Variants in SFT2D2 observed in about 807,000 individuals in gnomAD.
The protein encoded by SFT2D2 is SFT2 domain containing 2, also known as vesicle transport protein SFT2B.
SFT2D2 carries 21 observed loss-of-function variants against 27.4 expected under a neutral mutation model. The observed-to-expected ratio is 0.77, with a 90% CI of 0.54 to 1.10. The LOEUF (loss-of-function observed/expected upper bound fraction) is 1.10. SFT2D2 is among the 50% of genes least tolerant of loss of function. The probability of loss-of-function intolerance (pLI) is 0.00; values close to 1 mark genes in which losing one functional copy is unlikely to be tolerated. For synonymous variants in SFT2D2, 72 were observed against 71.7 expected, an observed-to-expected ratio of 1.00 and a Z score of -0.02; for missense variants, 187 against 194.2, an observed-to-expected ratio of 0.96 and a Z score of 0.22.
chr1:168,229,628 TC>T (rs1310954183), intron 1 of SFT2D2: 13 of 152,174 alleles, frequency 8.5e-5, no homozygotes, highest in African/African-American at 3.2e-4. Context: ...CCACTACCAC[TC>T]TTCTTCCTAC....
chr1:168,240,360 T>A (rs1379857976), intron 7 of SFT2D2, among the ~76,000 whole-genome samples: 1 of 152,012 alleles, frequency 6.6e-6, no homozygotes, highest in African/African-American at 2.4e-5. Context: ...GTGGCTTTGT[T>A]GATAGATTCT....
At position 168,251,195 on chromosome 1, in the gene SFT2D2, C is replaced by T. The variant is rs1647942651; in HGVS notation, c.*8655C>T. Reference sequence around the variant, plus strand: ...GGCTAGCTGGTGTGCGCCTATAATCCCAGCTACTTGGGAGGGAGGCTGAGG... The same window carrying T: ...GGCTAGCTGGTGTGCGCCTATAATCTCAGCTACTTGGGAGGGAGGCTGAGG... On this transcript the variant is annotated 3_prime_UTR_variant, in exon 8 of 8. Transcript: ENST00000271375. 1 of 151,992 alleles carries T rather than the reference C, an allele frequency of 6.6e-6. No homozygotes were observed. The highest frequency in any genetic ancestry group is 1.5e-5 in the Non-Finnish European group (1 of 68,038). 9.4% of individuals were successfully genotyped at this position (151,992 alleles called of 1,614,324 possible).
At position 168,246,263 on chromosome 1, in the gene SFT2D2, A is replaced by G. The variant is rs573172219; in HGVS notation, c.*3723A>G. 2 of 368,442 alleles carry G rather than the reference A, an allele frequency of 5.4e-6. No individual in the cohort carries two copies. Among genetic ancestry groups the G allele is most frequent in the East Asian group, 6.9e-5 (1 of 14,506 alleles). The allele number at this position is 368,442 out of a possible 1,614,324, so 22.8% of individuals were successfully genotyped here. ...CTGTAGCATCACATTTGGCTTGACTATCAATTACTGTTTTTTCTTGATTGT... is the reference window on the plus strand; with the variant it reads ...CTGTAGCATCACATTTGGCTTGACTGTCAATTACTGTTTTTTCTTGATTGT... On this transcript the variant is annotated 3_prime_UTR_variant, in exon 8 of 8. Coordinates refer to ENST00000271375, the MANE Select transcript of SFT2D2 (RefSeq NM_199344.3).
At position 168,244,637 on chromosome 1, in the gene SFT2D2, C is replaced by T. The variant is rs1191702484; in HGVS notation, c.*2097C>T. On this transcript the variant is annotated 3_prime_UTR_variant, in exon 8 of 8. Coordinates refer to ENST00000271375, the MANE Select transcript of SFT2D2 (RefSeq NM_199344.3). Reference sequence around the variant, plus strand: ...CAGGAAAGGAAATTTTATGCTACCCCTCTGGCTTTTGTGGGATTCTTTCAC... The same window carrying T: ...CAGGAAAGGAAATTTTATGCTACCCTTCTGGCTTTTGTGGGATTCTTTCAC... 1 of 152,306 alleles carries T rather than the reference C, an allele frequency of 6.6e-6. No homozygotes were observed. The highest frequency in any genetic ancestry group is 1.5e-5 in the Non-Finnish European group (1 of 68,124). The allele number at this position is 152,306 out of a possible 1,614,324, so 9.4% of individuals were successfully genotyped here. A position where few individuals can be genotyped will look rare whatever the true frequency, so the allele number is the denominator to read the frequency against.
chr1:168,239,746 G>C (rs1647594958), intron 7 of SFT2D2, among the ~76,000 whole-genome samples: 2 of 151,432 alleles, frequency 1.3e-5, no homozygotes, highest in South Asian at 4.2e-4. Flanking sequence ...ACCTCTTTAA[G>C]CACTTTCAGT....
rs759144088 is a variant in SFT2D2 at position 168,231,832 on chromosome 1, A to T, written c.151-2A>T. Reference sequence around the variant, plus strand: ...GTGCAAACACTGTACTTTAAATTCCAGGGTACTGTTCTGCTGTGGGTGCCC... The same window carrying T: ...GTGCAAACACTGTACTTTAAATTCCTGGGTACTGTTCTGCTGTGGGTGCCC... On this transcript the variant is annotated splice_acceptor_variant, in intron 2 of 7. Transcript: ENST00000271375. LOFTEE classifies it high-confidence loss of function. 51 of 1,613,648 alleles carry T rather than the reference A, an allele frequency of 3.2e-5. No individual in the cohort carries two copies. The East Asian group carries it at 1.1e-3, about 36-fold the overall frequency.
Position 168,251,613 on chromosome 1 carries a change from A to G in SFT2D2, c.*9073A>G, listed in dbSNP as rs552787944. On this transcript the variant is annotated 3_prime_UTR_variant, in exon 8 of 8. Transcript: ENST00000271375. Reference sequence around the variant, plus strand: ...AAATGGTTTAAAATACGTATTCTCAAACCTCATTTTCAGCATATAAATTTT... The same window carrying G: ...AAATGGTTTAAAATACGTATTCTCAGACCTCATTTTCAGCATATAAATTTT... 9.2e-5 allele frequency: 14 copies of G among 152,306 alleles called. No individual in the cohort carries two copies. The East Asian group carries it at 1.3e-3, about 15-fold the overall frequency. 9.4% of individuals were successfully genotyped at this position (152,306 alleles called of 1,614,324 possible). A position where few individuals can be genotyped will look rare whatever the true frequency, so the allele number is the denominator to read the frequency against.
At chr1:168,238,512 C>CA (rs991612246) in intron 6 of SFT2D2, among the ~76,000 whole-genome samples, 175 of 149,754 alleles carry the variant, frequency 1.2e-3, no homozygotes, top group African/African-American at 3.3e-3. Flanking sequence ...AACAAACAAA[C>CA]AAAAAAAAAC....
intron 7 of SFT2D2, among the ~76,000 whole-genome samples, chr1:168,241,458 G>GCT (rs1558178330): frequency 2.0e-5 from 3 of 151,876 alleles, no homozygotes. Flanking sequence ...CTCCCAAAGT[G>GCT]CTGGGTTTAC....
Position 168,236,608 on chromosome 1 carries a change from T to G in SFT2D2, c.338T>G (p.Leu113Arg). 1.9e-5 allele frequency: 31 copies of G among 1,613,644 alleles called. No individual in the cohort carries two copies. Among genetic ancestry groups the G allele is most frequent in the Non-Finnish European group, 2.5e-5 (30 of 1,179,954 alleles). Residue 113 changes from leucine (L) to arginine (R), a missense_variant, in exon 5 of 8, where the codon CTG (leucine) becomes CGG (arginine). Physicochemically the swap from Leu to Arg is moderately radical, Grantham distance 102 (BLOSUM62 -2). Transcript: ENST00000271375. ...CTTTAGTTGTGTTTTGCACTTACCC[T>G]GTGTTCTGCCTTTTGGGTAAATGTA... ...IMVLLCFALT[L>R]CSAFWWHNKG...
Position 168,248,943 on chromosome 1 carries a change from A to T in SFT2D2, c.*6403A>T, listed in dbSNP as rs971775561. On this transcript the variant is annotated 3_prime_UTR_variant, in exon 8 of 8. Transcript: ENST00000271375. ...TGGTATCGGTGGTGATATCCCCTGT[A>T]TCATTTTTTATTGCATTTATTTGAT... is the stretch of plus-strand genomic sequence containing the variant. 6.6e-6 allele frequency: 1 copy of T among 151,850 alleles called. No individual in the cohort carries two copies. Among genetic ancestry groups the T allele is most frequent in the African/African-American group, 2.4e-5 (1 of 41,346 alleles). The allele number at this position is 151,850 out of a possible 1,614,324, so 9.4% of individuals were successfully genotyped here.
intron 6 of SFT2D2, 53 bp downstream of exon 6, chr1:168,236,823 C>A (rs1647517798): frequency 1.3e-6 from 2 of 1,570,842 alleles, no homozygotes; most frequent in African/African-American, 1.4e-5. Context: ...AATAATGTAG[C>A]CAAAGGAGAT....
rs1647859589 is a variant in SFT2D2 at position 168,247,763 on chromosome 1, ATGGT to A, written c.*5226_*5229del. Reference sequence around the variant, plus strand: ...AGGAATCGCCACACTGTCTTTCACAATGGTTGAACTAATTTACACTCCCACCAAC... The same window carrying A: ...AGGAATCGCCACACTGTCTTTCACAATGAACTAATTTACACTCCCACCAAC... On this transcript the variant is annotated 3_prime_UTR_variant, in exon 8 of 8. Coordinates refer to ENST00000271375, the MANE Select transcript of SFT2D2 (RefSeq NM_199344.3). 2 of 152,180 alleles carry A rather than the reference ATGGT, an allele frequency of 1.3e-5. No individual in the cohort carries two copies. The highest frequency in any genetic ancestry group is 1.5e-5 in the Non-Finnish European group (1 of 68,042). 9.4% of individuals were successfully genotyped at this position (152,180 alleles called of 1,614,324 possible). A position where few individuals can be genotyped will look rare whatever the true frequency, so the allele number is the denominator to read the frequency against.
rs934246755 is a variant in SFT2D2 at position 168,251,472 on chromosome 1, G to A, written c.*8932G>A. The A allele has an allele frequency of 6.6e-6, 1 of 152,192 alleles. No individual in the cohort carries two copies. The highest frequency in any genetic ancestry group is 2.4e-5 in the African/African-American group (1 of 41,444). 9.4% of individuals were successfully genotyped at this position (152,192 alleles called of 1,614,324 possible). On this transcript the variant is annotated 3_prime_UTR_variant, in exon 8 of 8. Transcript: ENST00000271375. ...TCATGAGACTTAGTGGAATGAATTGGGAAATTGAAGGGCAGCCCAGTGGCT... is the reference window on the plus strand; with the variant it reads ...TCATGAGACTTAGTGGAATGAATTGAGAAATTGAAGGGCAGCCCAGTGGCT...
intron 1 of SFT2D2, among the ~76,000 whole-genome samples, chr1:168,230,858 C>T (rs1228218694): frequency 1.3e-5 from 2 of 152,150 alleles, no homozygotes; most frequent in East Asian, 1.9e-4. Flanking sequence ...GAACTCCTGG[C>T]TTCCCCTGAA....
chr1:168,231,149 C>T (rs144586571), intron 1 of SFT2D2, among the ~76,000 whole-genome samples: 16 of 152,266 alleles, frequency 1.1e-4, no homozygotes, highest in African/African-American at 2.9e-4. Flanking sequence ...CCCTGGTGGA[C>T]GCATGCCTTT....
chr1:168,236,865 G>A, intron 6 of SFT2D2, 95 bp downstream of exon 6: 1 of 1,362,420 alleles, frequency 7.3e-7, no homozygotes, highest in Non-Finnish European at 1.0e-6. Context: ...GGAGAATTAA[G>A]AAAACACAGA....
At chr1:168,236,391 T>C (rs1426096306) in intron 4 of SFT2D2, among the ~76,000 whole-genome samples, 198 bp from the exon 5 acceptor site, 1 of 152,250 alleles carries the variant, frequency 6.6e-6, no homozygotes, top group Non-Finnish European at 1.5e-5. Context: ...GAACATCTTA[T>C]CTATGTGAAT....
chr1:168,239,406 A>G lies in SFT2D2; in HGVS notation c.443+246A>G, dbSNP rs74121079. ...TGCTGTGAACATTCTACTCTTATATATGGTGCATATATGCACATTATTACT... is the reference window on the plus strand; with the variant it reads ...TGCTGTGAACATTCTACTCTTATATGTGGTGCATATATGCACATTATTACT... On this transcript the variant is annotated intron_variant, in intron 7 of 7. Transcript: ENST00000271375. Among the ~76,000 whole-genome samples, 954 of 149,576 alleles carry G rather than the reference A, an allele frequency of 6.4e-3. 10 individuals are homozygous for G. Among genetic ancestry groups the G allele is most frequent in the African/African-American group, 0.022 (900 of 40,496 alleles).
Sources: allele counts gnomAD v4.1 joint callset (sites outside exome capture counted in the v4.1 genomes callset), GRCh38; gene constraint gnomAD v4.1.1; transcripts MANE v1.5; gene names NCBI Gene and HGNC (gene_info 2026-07-23, HGNC 2026-07-21).